OTUD7A: variants seen among roughly 807,000 people sequenced by gnomAD.
OTUD7A encodes the protein OTU domain-containing protein 7A.
OTUD7A carries 12 observed loss-of-function variants against 65.7 expected under a neutral mutation model. That is an observed-to-expected ratio of 0.18 (90% confidence interval 0.12 to 0.30). OTUD7A has a LOEUF of 0.30. Ranked by LOEUF, OTUD7A falls within the 10% of genes least tolerant of loss-of-function variation. The pLI is 1.00. For synonymous variants in OTUD7A, 641 were observed against 586.3 expected (o/e 1.09, Z -1.35); for missense variants, 1,148 against 1,304.8 (o/e 0.88, Z 1.85).
intron 1 of OTUD7A, among the ~76,000 whole-genome samples, chr15:31,804,453 C>G (rs1343499820): frequency 2.6e-5 from 4 of 152,180 alleles, no homozygotes; most frequent in Admixed American, 2.6e-4. Context: ...CCTTTCTGGA[C>G]CAACCCCTCC....
intron 3 of OTUD7A, among the ~76,000 whole-genome samples, chr15:31,586,057 A>T (rs1234109343): frequency 6.6e-6 from 1 of 152,252 alleles, no homozygotes; most frequent in Non-Finnish European, 1.5e-5. Flanking sequence ...TCTGAAGGTG[A>T]GGCTACGCTG....
At chr15:31,823,543 C>G (rs1037058535) in intron 1 of OTUD7A, among the ~76,000 whole-genome samples, 3 of 152,196 alleles carry the variant, frequency 2.0e-5, no homozygotes, top group Admixed American at 2.0e-4. Context: ...AATATCCTTA[C>G]AGCAAAGAAT....
Position 31,475,703 on chromosome 15 carries a change from G to T in OTUD7A, c.*7591C>A, listed in dbSNP as rs1220575761. The T allele has an allele frequency of 6.6e-6, 1 of 152,186 alleles. No homozygotes were observed. The highest frequency in any genetic ancestry group is 2.4e-5 in the African/African-American group (1 of 41,426). The allele number at this position is 152,186 out of a possible 1,614,324, so 9.4% of individuals were successfully genotyped here. A position where few individuals can be genotyped will look rare whatever the true frequency, so the allele number is the denominator to read the frequency against. Reference sequence around the variant, plus strand: ...GGGTTTCTTCTCCAAGAATGGACCGGATTGAAAAGGATATTTGCATTGAAT... The same window carrying T: ...GGGTTTCTTCTCCAAGAATGGACCGTATTGAAAAGGATATTTGCATTGAAT... On this transcript the variant is annotated 3_prime_UTR_variant, in exon 13 of 13. Coordinates refer to ENST00000307050, the MANE Select transcript of OTUD7A (RefSeq NM_001382637.1).
intron 3 of OTUD7A, among the ~76,000 whole-genome samples, chr15:31,576,948 G>A (rs1198621700): frequency 6.6e-6 from 1 of 151,942 alleles, no homozygotes; most frequent in Non-Finnish European, 1.5e-5. Flanking sequence ...CTTTCTTTTG[G>A]AGTTTAGACA....
chr15:31,804,687 G>A (rs1042007159), intron 1 of OTUD7A, among the ~76,000 whole-genome samples: 4 of 152,172 alleles, frequency 2.6e-5, no homozygotes, highest in East Asian at 1.9e-4. Flanking sequence ...AGATGGAACC[G>A]AAGAAACTCT....
intron 1 of OTUD7A, among the ~76,000 whole-genome samples, chr15:31,733,428 T>G (rs1211431864): frequency 6.6e-6 from 1 of 152,168 alleles, no homozygotes; most frequent in Non-Finnish European, 1.5e-5. Flanking sequence ...CTTTCCACCC[T>G]CTACCTCCTC....
At chr15:31,753,705 T>TATATATAATATATAACCTGTG (rs1894716312) in intron 1 of OTUD7A, among the ~76,000 whole-genome samples, 1 of 78,434 alleles carries the variant, frequency 1.3e-5, no homozygotes, top group African/African-American at 9.5e-5. Context: ...ATATATATTA[T>TATATATAATATATAACCTGTG]ATATATATAT....
At chr15:31,755,777 G>C (rs1186683974) in intron 1 of OTUD7A, among the ~76,000 whole-genome samples, 1 of 152,112 alleles carries the variant, frequency 6.6e-6, no homozygotes, top group Admixed American at 6.5e-5. Flanking sequence ...AGTAAGAATG[G>C]TGTTTTCACT....
intron 9 of OTUD7A, among the ~76,000 whole-genome samples, chr15:31,503,391 G>T (rs1049328800): frequency 6.6e-6 from 1 of 152,212 alleles, no homozygotes; most frequent in South Asian, 2.1e-4. Flanking sequence ...TGTTGGAGGG[G>T]TGTGGGCTGT....
chr15:31,674,167 G>A (rs1441393674), intron 1 of OTUD7A, among the ~76,000 whole-genome samples: 1 of 152,164 alleles, frequency 6.6e-6, no homozygotes, highest in African/African-American at 2.4e-5. Flanking sequence ...AAATTTTTTA[G>A]GAGGATTAAG....
At chr15:31,540,843 A>G (rs1162560029) in intron 5 of OTUD7A, among the ~76,000 whole-genome samples, 1 of 152,220 alleles carries the variant, frequency 6.6e-6, no homozygotes, top group Non-Finnish European at 1.5e-5. Context: ...TTCATGCAAG[A>G]AAGACTATGA....
intron 3 of OTUD7A, among the ~76,000 whole-genome samples, chr15:31,593,302 C>T (rs1889805637): frequency 1.3e-5 from 2 of 151,862 alleles, no homozygotes; most frequent in Admixed American, 6.6e-5. Context: ...TTCTGTTTCA[C>T]CAGAGAGCCT....
At chr15:31,763,763 A>G (rs1479267347) in intron 1 of OTUD7A, among the ~76,000 whole-genome samples, 2 of 152,202 alleles carry the variant, frequency 1.3e-5, no homozygotes, top group African/African-American at 4.8e-5. Flanking sequence ...AAAACCAAAG[A>G]CAAGATTTTT....
chr15:31,734,983 T>C (rs1168898172), intron 1 of OTUD7A, among the ~76,000 whole-genome samples: 1 of 151,962 alleles, frequency 6.6e-6, no homozygotes, highest in Non-Finnish European at 1.5e-5. Flanking sequence ...TGGGAGAAAA[T>C]TTCGGCAAAC....
chr15:31,753,499 G>A (rs1412644132), intron 1 of OTUD7A, among the ~76,000 whole-genome samples: 1 of 151,316 alleles, frequency 6.6e-6, no homozygotes, highest in African/African-American at 2.4e-5. Flanking sequence ...TCATTCTTAT[G>A]CCTTTGCATC....
intron 1 of OTUD7A, among the ~76,000 whole-genome samples, chr15:31,856,554 T>C (rs1428383720): frequency 6.6e-6 from 1 of 152,232 alleles, no homozygotes; most frequent in African/African-American, 2.4e-5. Flanking sequence ...TAGTTTTATC[T>C]TTGTAGATGT....
chr15:31,535,365 A>G (rs1202649903), intron 5 of OTUD7A, among the ~76,000 whole-genome samples: 1 of 152,098 alleles, frequency 6.6e-6, no homozygotes, highest in Non-Finnish European at 1.5e-5. Context: ...CCCTTCTGCC[A>G]TGATTGTAAG....
At chr15:31,612,950 T>C (rs185250615) in intron 3 of OTUD7A, among the ~76,000 whole-genome samples, 27 of 152,262 alleles carry the variant, frequency 1.8e-4, no homozygotes, top group Admixed American at 1.5e-3. Context: ...AGTAGGCACA[T>C]AGACCAATGG....
chr15:31,653,230 G>C (rs1891891797), intron 3 of OTUD7A, among the ~76,000 whole-genome samples: 1 of 151,616 alleles, frequency 6.6e-6, no homozygotes, highest in Non-Finnish European at 1.5e-5. Flanking sequence ...ACTCCAGCCT[G>C]GGCTAGAGTG....
Sources: gnomAD v4.1 joint callset for allele counts (sites outside exome capture counted in the v4.1 genomes callset) on GRCh38, gnomAD v4.1.1 for gene constraint, MANE v1.5 for transcripts, NCBI Gene and HGNC (gene_info 2026-07-23, HGNC 2026-07-21) for gene names.